Variants in LYPD6 observed in about 807,000 individuals in gnomAD.
LYPD6 encodes LY6/PLAUR domain containing 6.
In LYPD6, 15 loss-of-function variants were observed where a neutral mutation model predicts 22.7. The ratio of observed to expected loss-of-function variants is 0.66; its 90% CI spans 0.44 to 1.02. The LOEUF (loss-of-function observed/expected upper bound fraction) is 1.02, where lower values mean the gene tolerates loss of function less well. Ranked by LOEUF, LYPD6 falls within the 50% of genes least tolerant of loss-of-function variation. The pLI, the probability that LYPD6 is intolerant of heterozygous loss-of-function variation, is 0.00. For synonymous variants in LYPD6, 72 were observed against 77.5 expected (o/e 0.93, Z 0.37); for missense variants, 189 against 208.4 (o/e 0.91, Z 0.57).
chr2:149,404,041 G>T (rs1338042839), intron 1 of LYPD6, among the ~76,000 whole-genome samples: 1 of 152,080 alleles, frequency 6.6e-6, no homozygotes, highest in Non-Finnish European at 1.5e-5. Flanking sequence ...TCACATAGTT[G>T]TAGATATGCG....
At chr2:149,333,730 C>T (rs886141353) in intron 1 of LYPD6, among the ~76,000 whole-genome samples, 24 of 152,166 alleles carry the variant, frequency 1.6e-4, no homozygotes, top group African/African-American at 4.8e-4. Context: ...ATTTAAAATG[C>T]TTGGGATGGG....
intron 3 of LYPD6, among the ~76,000 whole-genome samples, chr2:149,466,651 G>C (rs950027452): frequency 2.6e-5 from 4 of 152,140 alleles, no homozygotes; most frequent in African/African-American, 9.7e-5. Context: ...TATGAACAAA[G>C]AAGTAGTCAT....
At chr2:149,376,160 C>T (rs1681917279) in intron 1 of LYPD6, among the ~76,000 whole-genome samples, 1 of 152,120 alleles carries the variant, frequency 6.6e-6, no homozygotes, top group Non-Finnish European at 1.5e-5. Context: ...GTGGTTTGCC[C>T]TGGGTCTGTT....
chr2:149,446,406 T>G (rs1683689047), intron 2 of LYPD6, among the ~76,000 whole-genome samples: 1 of 152,208 alleles, frequency 6.6e-6, no homozygotes, highest in Non-Finnish European at 1.5e-5. Context: ...CTGCAAAGTG[T>G]GCTAAAATGA....
At chr2:149,436,966 G>T (rs961839072) in intron 1 of LYPD6, among the ~76,000 whole-genome samples, 1 of 152,198 alleles carries the variant, frequency 6.6e-6, no homozygotes, top group African/African-American at 2.4e-5. Flanking sequence ...AAGCCACATT[G>T]CCTGGGTTAG....
At chr2:149,372,200 A>G (rs561525006) in intron 1 of LYPD6, among the ~76,000 whole-genome samples, 2 of 152,280 alleles carry the variant, frequency 1.3e-5, no homozygotes, top group African/African-American at 4.8e-5. Flanking sequence ...TCAGACTTCA[A>G]GCTGCCGCAG....
At chr2:149,455,918 G>A (rs1410401671) in intron 3 of LYPD6, among the ~76,000 whole-genome samples, 2 of 152,206 alleles carry the variant, frequency 1.3e-5, no homozygotes, top group Non-Finnish European at 2.9e-5. Flanking sequence ...AGAAAATAGG[G>A]AAGTCTCCAT....
chr2:149,463,778 T>C (rs1681138059), intron 3 of LYPD6, among the ~76,000 whole-genome samples: 1 of 152,116 alleles, frequency 6.6e-6, no homozygotes, highest in African/African-American at 2.4e-5. Flanking sequence ...TCCAAAATAC[T>C]ACATGTTGTG....
intron 1 of LYPD6, among the ~76,000 whole-genome samples, chr2:149,382,244 T>G (rs1306954045): frequency 6.6e-6 from 1 of 152,188 alleles, no homozygotes; most frequent in Non-Finnish European, 1.5e-5. Flanking sequence ...TGCAAAGTAT[T>G]ATCATAAATA....
intron 3 of LYPD6, among the ~76,000 whole-genome samples, chr2:149,466,742 A>T (rs1681208712): frequency 6.6e-6 from 1 of 152,170 alleles, no homozygotes; most frequent in African/African-American, 2.4e-5. Context: ...GATTTCCAAA[A>T]CTGCAGCTAT....
the LYPD6 span, among the ~76,000 whole-genome samples, chr2:149,485,335 C>T: frequency 6.6e-6 from 1 of 152,140 alleles, no homozygotes; most frequent in East Asian, 1.9e-4. Context: ...AGGTGAATCA[C>T]AATTGCAACT....
At chr2:149,389,233 C>T (rs1465506826) in intron 1 of LYPD6, among the ~76,000 whole-genome samples, 2 of 152,128 alleles carry the variant, frequency 1.3e-5, no homozygotes, top group African/African-American at 4.8e-5. Flanking sequence ...GAAGCTCTTT[C>T]ATGGCAAAAA....
intron 1 of LYPD6, among the ~76,000 whole-genome samples, chr2:149,396,126 C>G (rs1195252138): frequency 6.6e-6 from 1 of 152,134 alleles, no homozygotes; most frequent in African/African-American, 2.4e-5. Flanking sequence ...ATGATATGGA[C>G]TTAGGTGATT....
intron 1 of LYPD6, among the ~76,000 whole-genome samples, chr2:149,421,596 C>T (rs1420400616): frequency 6.6e-6 from 1 of 152,010 alleles, no homozygotes; most frequent in Non-Finnish European, 1.5e-5. Flanking sequence ...TAGTGGCAAT[C>T]TAATACTATT....
At chr2:149,363,114 T>C (rs1328890109) in intron 1 of LYPD6, among the ~76,000 whole-genome samples, 7 of 152,170 alleles carry the variant, frequency 4.6e-5, no homozygotes, top group Admixed American at 1.3e-4. Context: ...AAAGTTTCAC[T>C]ATGCCAAGGT....
chr2:149,351,798 C>T (rs1284065938), intron 1 of LYPD6, among the ~76,000 whole-genome samples: 1 of 151,934 alleles, frequency 6.6e-6, no homozygotes, highest in African/African-American at 2.4e-5. Flanking sequence ...TGGGCCCCAC[C>T]CCAGGATTCT....
At chr2:149,353,119 T>G (rs1559121791) in intron 1 of LYPD6, among the ~76,000 whole-genome samples, 1 of 152,242 alleles carries the variant, frequency 6.6e-6, no homozygotes, top group Non-Finnish European at 1.5e-5. Context: ...TGGCCTGCTC[T>G]TGGTAAAGTA....
intron 1 of LYPD6, among the ~76,000 whole-genome samples, chr2:149,406,297 T>G (rs1038417496): frequency 6.6e-6 from 1 of 152,096 alleles, no homozygotes; most frequent in Non-Finnish European, 1.5e-5. Context: ...TTGTTAACTT[T>G]CTGTCTCGTT....
chr2:149,348,095 A>C (rs2105055894), intron 1 of LYPD6, among the ~76,000 whole-genome samples: 1 of 150,464 alleles, frequency 6.6e-6, no homozygotes, highest in African/African-American at 2.4e-5. Flanking sequence ...AGAGTGGAAG[A>C]CACAGCAACT....
Sources: allele counts gnomAD v4.1 joint callset (sites outside exome capture counted in the v4.1 genomes callset), GRCh38; gene constraint gnomAD v4.1.1; transcripts MANE v1.5; gene names NCBI Gene and HGNC (gene_info 2026-07-23, HGNC 2026-07-21).